Variants in CCND3 observed in about 807,000 individuals in gnomAD.
The protein encoded by CCND3 is G1/S-specific cyclin-D3.
Under a neutral mutation model 28.7 loss-of-function variants are expected in CCND3, and 9 were observed. That is an observed-to-expected ratio of 0.31 (90% CI 0.19 to 0.55). CCND3 has a LOEUF of 0.55. CCND3 is among the 20% of genes least tolerant of loss of function. CCND3 has a pLI of 0.93. For synonymous variants in CCND3, 164 were observed against 163.9 expected, an observed-to-expected ratio of 1.00 and a Z score of 0.00; for missense variants, 315 against 385.8, an observed-to-expected ratio of 0.82 and a Z score of 1.54.
At chr6:42,006,985 A>AG in intron 1 of CCND3, among the ~76,000 whole-genome samples, 1 of 152,092 alleles carries the variant, frequency 6.6e-6, no homozygotes, top group Non-Finnish European at 1.5e-5. Flanking sequence ...GATTTGTTAG[A>AG]GGGATGGCAC....
chr6:42,005,645 A>G (rs1763154994), intron 1 of CCND3, among the ~76,000 whole-genome samples: 1 of 151,122 alleles, frequency 6.6e-6, no homozygotes, highest in African/African-American at 2.4e-5. Flanking sequence ...GAATCACTTG[A>G]GCTAGGAATT....
chr6:41,989,907 A>G (rs1762601896), intron 1 of CCND3, among the ~76,000 whole-genome samples: 1 of 152,200 alleles, frequency 6.6e-6, no homozygotes, highest in Non-Finnish European at 1.5e-5. Context: ...ATAATTGTCA[A>G]AACTCTGAGG....
At chr6:42,004,068 A>ATGTATG (rs1554165307) in intron 1 of CCND3, among the ~76,000 whole-genome samples, 3 of 143,710 alleles carry the variant, frequency 2.1e-5, no homozygotes, top group Non-Finnish European at 4.5e-5. Flanking sequence ...ATATATATGT[A>ATGTATG]TGTGTGTGTG....
At chr6:41,942,551 G>A (rs938931169), upstream of CCND3, among the ~76,000 whole-genome samples, 10 of 152,142 alleles carry the variant, frequency 6.6e-5, no homozygotes, top group African/African-American at 2.4e-4. Context: ...ACCTTGTTAA[G>A]TTGCTTGCCT....
intron 1 of CCND3, among the ~76,000 whole-genome samples, chr6:42,001,534 A>G (rs1763012566): frequency 6.6e-6 from 1 of 152,200 alleles, no homozygotes; most frequent in South Asian, 2.1e-4. Flanking sequence ...CTATACATGT[A>G]TAGTCTTAAC....
intron 1 of CCND3, among the ~76,000 whole-genome samples, chr6:42,001,234 C>CCAAAAA (rs1763001161): frequency 4.1e-5 from 3 of 74,022 alleles, no homozygotes; most frequent in African/African-American, 1.7e-4. Context: ...GACCCCATCT[C>CCAAAAA]AAAAAAAAAA....
chr6:41,936,449 AACCAGGACTTGGG>A lies in CCND3; in HGVS notation c.711+97_711+109del, dbSNP rs1344949100. Reference sequence around the variant, plus strand: ...AAGCCACAAAGCCCCAAGGTTGTGAAACCAGGACTTGGGACCAGGTTGGGGTTGGAGGTTTCCC... The same window carrying A: ...AAGCCACAAAGCCCCAAGGTTGTGAAACCAGGTTGGGGTTGGAGGTTTCCC... On this transcript the variant is annotated intron_variant, in intron 4 of 4. Transcript: ENST00000372991. This position sits in a 1 kb window ranked among gnomAD's most constrained non-coding sequence, Gnocchi z 4.4. 2.3e-6 allele frequency: 3 copies of A among 1,321,562 alleles called. No individual in the cohort carries two copies. In the East Asian group the frequency reaches 7.0e-5, roughly 31 times the overall value. 81.9% of individuals were successfully genotyped at this position (1,321,562 alleles called of 1,614,324 possible).
intron 1 of CCND3, among the ~76,000 whole-genome samples, chr6:41,951,281 C>T (rs1776304648): frequency 1.3e-5 from 2 of 151,182 alleles, no homozygotes; most frequent in African/African-American, 2.4e-5. Context: ...GTAGGCCAGG[C>T]GCGGTGGCTC....
chr6:41,978,451 G>A (rs79699037), intron 1 of CCND3, among the ~76,000 whole-genome samples: 15,353 of 151,494 alleles, frequency 0.1, 871 homozygotes, highest in East Asian at 0.25. Context: ...CAGGAGAATC[G>A]CTTCAACCCA....
chr6:41,944,853 C>A (rs9462756), upstream of CCND3, among the ~76,000 whole-genome samples: 1 of 152,138 alleles, frequency 6.6e-6, no homozygotes, highest in Non-Finnish European at 1.5e-5. Flanking sequence ...TTCTGCCTCA[C>A]CCCTGGATGG....
At position 41,936,096 on chromosome 6, in the gene CCND3, C is replaced by A; in HGVS notation, c.723G>T (p.Arg241=). The part of the protein sequence containing the change: ...GITGTEVDCL[R]ACQEQIEAAL... ...CAGCTTCGATCTGCTCCTGACAGGC[C>A]CGCAGGCAGTCCTGGGAACATGGGA... is the stretch of plus-strand genomic sequence containing the variant. Residue 241 remains arginine (R), a synonymous_variant, in exon 5 of 5, where the codon CGG becomes CGT. Coordinates refer to ENST00000372991, the MANE Select transcript of CCND3 (RefSeq NM_001760.5). The surrounding 1 kb of genome is among the most constrained non-coding windows in gnomAD (Gnocchi z 4.4). The A allele has an allele frequency of 1.3e-6, 2 of 1,593,564 alleles. No homozygotes were observed. Among genetic ancestry groups the A allele is most frequent in the Non-Finnish European group, 1.7e-6 (2 of 1,169,022 alleles).
chr6:41,991,485 T>C (rs1762648663), intron 1 of CCND3, among the ~76,000 whole-genome samples: 1 of 152,266 alleles, frequency 6.6e-6, no homozygotes, highest in Non-Finnish European at 1.5e-5. Flanking sequence ...TGATACATAA[T>C]AATTGTACAT....
At chr6:42,049,171 G>GACT (rs1764649185), upstream of CCND3, among the ~76,000 whole-genome samples, 1 of 152,160 alleles carries the variant, frequency 6.6e-6, no homozygotes, top group Non-Finnish European at 1.5e-5. Flanking sequence ...GAGTAGCTAG[G>GACT]ACTACAGGCG....
At chr6:42,024,746 C>A (rs1025815346) in intron 1 of CCND3, among the ~76,000 whole-genome samples, 7 of 152,070 alleles carry the variant, frequency 4.6e-5, no homozygotes, top group South Asian at 2.1e-4. Context: ...CATGGTGAAA[C>A]CCTGTCTCTA....
At chr6:41,958,350 T>C (rs2127402960) in intron 1 of CCND3, among the ~76,000 whole-genome samples, 1 of 152,102 alleles carries the variant, frequency 6.6e-6, no homozygotes, top group South Asian at 2.1e-4. Context: ...GAGCAAAAAA[T>C]ATATATTTAC....
intron 1 of CCND3, among the ~76,000 whole-genome samples, chr6:41,984,433 G>GC (rs1413456380): frequency 2.6e-5 from 4 of 151,970 alleles, no homozygotes; most frequent in African/African-American, 4.8e-5. Context: ...TGCAACCTCC[G>GC]CCCCCCAGGT....
rs114959543 is a variant in CCND3 at position 42,039,950 on chromosome 6, C to T, written c.-46+8551G>A. Among the ~76,000 whole-genome samples, 992 of 152,352 alleles carry T rather than the reference C, an allele frequency of 6.5e-3. 9 individuals are homozygous for T. Among genetic ancestry groups the T allele is most frequent in the Middle Eastern group, 0.031 (9 of 294 alleles). The stretch of plus-strand genomic sequence containing the variant: ...ATTCGTGTCAACACCATCACATCTC[C>T]GTGCATCCCTGCATGTCACGCACAC... On this transcript the variant is annotated intron_variant, in intron 1 of 4. Coordinates refer to the CCND3 transcript ENST00000372988.
chr6:41,952,068 C>T (rs1326291000), intron 1 of CCND3, among the ~76,000 whole-genome samples: 1 of 152,110 alleles, frequency 6.6e-6, no homozygotes, highest in Non-Finnish European at 1.5e-5. Flanking sequence ...AGCCTAGATC[C>T]CACTTGTTAA....
chr6:42,012,576 G>A (rs1307480824), intron 1 of CCND3, among the ~76,000 whole-genome samples: 2 of 152,106 alleles, frequency 1.3e-5, no homozygotes, highest in Non-Finnish European at 2.9e-5. Context: ...ACTCCAGCCT[G>A]GGAGACAGAG....
Sources: allele counts gnomAD v4.1 joint callset (sites outside exome capture counted in the v4.1 genomes callset), GRCh38; gene constraint gnomAD v4.1.1; non-coding constraint Gnocchi (gnomAD v3.1); transcripts MANE v1.5; gene names NCBI Gene and HGNC (gene_info 2026-07-23, HGNC 2026-07-21).